EHBP1: variants seen among roughly 807,000 people sequenced by gnomAD.
EHBP1 encodes the protein EH domain binding protein 1.
In EHBP1, 55 loss-of-function variants were observed where a neutral mutation model predicts 144.0. The observed-to-expected ratio is 0.38, with a 90% CI of 0.31 to 0.48. The LOEUF (loss-of-function observed/expected upper bound fraction) is 0.48, where lower values mean the gene tolerates loss of function less well. EHBP1 is among the 20% of genes least tolerant of loss of function. The probability of loss-of-function intolerance (pLI) is 0.98; values close to 1 mark genes in which losing one functional copy is unlikely to be tolerated. For synonymous variants in EHBP1, 469 were observed against 472.7 expected (o/e 0.99, Z 0.10); for missense variants, 1,200 against 1,364.2 (o/e 0.88, Z 1.90).
At chr2:62,921,178 G>A (rs1218745147) in intron 10 of EHBP1, among the ~76,000 whole-genome samples, 1 of 152,284 alleles carries the variant, frequency 6.6e-6, no homozygotes, top group African/African-American at 2.4e-5. Flanking sequence ...GGGCATGGTG[G>A]CTCATGCCTG....
intron 3 of EHBP1, among the ~76,000 whole-genome samples, chr2:62,749,540 A>G (rs1439440837): frequency 1.3e-5 from 2 of 152,228 alleles, no homozygotes; most frequent in African/African-American, 4.8e-5. Flanking sequence ...TTCTAGTTCT[A>G]GATCCTTGAG....
At chr2:62,987,300 G>A (rs1038328189) in intron 15 of EHBP1, among the ~76,000 whole-genome samples, 8 of 152,098 alleles carry the variant, frequency 5.3e-5, no homozygotes, top group African/African-American at 1.4e-4. Flanking sequence ...TCTCATTCCC[G>A]TATATTTAAT....
At chr2:62,769,721 A>C (rs920738512) in intron 4 of EHBP1, among the ~76,000 whole-genome samples, 3 of 151,886 alleles carry the variant, frequency 2.0e-5, no homozygotes, top group Non-Finnish European at 4.4e-5. Context: ...CAAAAGAACA[A>C]AGCTGGAAGC....
Position 62,676,685 on chromosome 2 carries a change from G to T in EHBP1, c.-296+2602G>T, listed in dbSNP as rs540178504. 3.3e-5 allele frequency among the ~76,000 whole-genome samples: 5 copies of T among 152,302 alleles called. No homozygotes were observed. The South Asian group carries it at 1.0e-3, about 32-fold the overall frequency. The stretch of plus-strand genomic sequence containing the variant: ...AAAAGACCAAGCCATTGTTTTGCTG[G>T]AAAAGCAGGCAGAAACCATATTCCT... On this transcript the variant is annotated intron_variant, in intron 1 of 22. Transcript: ENST00000405015.
intron 2 of EHBP1, among the ~76,000 whole-genome samples, chr2:62,719,343 T>C (rs2035986003): frequency 6.6e-6 from 1 of 152,204 alleles, no homozygotes; most frequent in African/African-American, 2.4e-5. Context: ...ACAACATCAC[T>C]AGTAGATCTG....
intron 5 of EHBP1, among the ~76,000 whole-genome samples, chr2:62,778,132 A>G (rs551354169): frequency 6.6e-6 from 1 of 152,320 alleles, no homozygotes; most frequent in African/African-American, 2.4e-5. Flanking sequence ...CCCATGAGAT[A>G]GGAAGTTCGG....
intron 3 of EHBP1, among the ~76,000 whole-genome samples, chr2:62,748,462 T>C (rs986758203): frequency 2.0e-5 from 3 of 152,170 alleles, no homozygotes; most frequent in African/African-American, 7.2e-5. Flanking sequence ...AAGACCAGCC[T>C]GGGAAACATA....
At chr2:62,800,355 C>G (rs558725200) in intron 5 of EHBP1, among the ~76,000 whole-genome samples, 9 of 152,196 alleles carry the variant, frequency 5.9e-5, no homozygotes, top group Non-Finnish European at 8.8e-5. Flanking sequence ...GTCACCAAAT[C>G]TAGTGACTCT....
At chr2:62,827,671 CTT>C (rs754873194) in intron 6 of EHBP1, among the ~76,000 whole-genome samples, 3 of 145,842 alleles carry the variant, frequency 2.1e-5, no homozygotes, top group Non-Finnish European at 1.5e-5. Flanking sequence ...AGCAAGTTAA[CTT>C]TTTTTTTTTT....
intron 2 of EHBP1, among the ~76,000 whole-genome samples, chr2:62,715,349 C>T (rs1023064150): frequency 3.3e-5 from 5 of 151,964 alleles, no homozygotes; most frequent in African/African-American, 7.3e-5. Flanking sequence ...CTCCTGACCT[C>T]GTGATCCGCC....
intron 10 of EHBP1, among the ~76,000 whole-genome samples, chr2:62,906,026 A>G (rs2053785944): frequency 6.6e-6 from 1 of 152,092 alleles, no homozygotes; most frequent in South Asian, 2.1e-4. Flanking sequence ...AACTTTCACT[A>G]AGGATTTTAA....
At chr2:62,807,881 T>C (rs1463951626) in intron 5 of EHBP1, among the ~76,000 whole-genome samples, 1 of 152,108 alleles carries the variant, frequency 6.6e-6, no homozygotes, top group Non-Finnish European at 1.5e-5. Context: ...GTAATTACTA[T>C]ATTTGTTTCT....
intron 1 of EHBP1, among the ~76,000 whole-genome samples, chr2:62,683,818 G>A (rs534282862): frequency 2.6e-5 from 4 of 152,138 alleles, no homozygotes; most frequent in Non-Finnish European, 4.4e-5. Context: ...GTGACACCAT[G>A]GATGGCTGTG....
At chr2:62,789,677 C>T (rs1015801658) in intron 5 of EHBP1, among the ~76,000 whole-genome samples, 1 of 152,202 alleles carries the variant, frequency 6.6e-6, no homozygotes, top group Non-Finnish European at 1.5e-5. Context: ...ATGCATACAT[C>T]TTCCAACCCA....
intron 5 of EHBP1, among the ~76,000 whole-genome samples, chr2:62,813,512 G>A (rs1212849981): frequency 6.6e-6 from 1 of 152,178 alleles, no homozygotes; most frequent in African/African-American, 2.4e-5. Flanking sequence ...CTGTGGGGGT[G>A]AGGCCACCTG....
At chr2:62,950,519 G>A (rs1353283522) in intron 13 of EHBP1, among the ~76,000 whole-genome samples, 1 of 151,794 alleles carries the variant, frequency 6.6e-6, no homozygotes, top group Admixed American at 6.6e-5. Context: ...GTTCATTGTG[G>A]CTACTTCTAA....
intron 19 of EHBP1, among the ~76,000 whole-genome samples, chr2:63,017,376 G>T (rs1016323032): frequency 2.0e-5 from 3 of 152,174 alleles, no homozygotes; most frequent in African/African-American, 7.2e-5. Context: ...TCCTTGGTAT[G>T]CTTATACTGA....
intron 10 of EHBP1, among the ~76,000 whole-genome samples, chr2:62,931,831 G>GAT (rs1186576287): frequency 3.3e-5 from 5 of 152,206 alleles, no homozygotes; most frequent in Admixed American, 2.6e-4. Flanking sequence ...AGCGAAGTAT[G>GAT]ATATATAGAC....
chr2:62,869,530 C>G (rs1440664323), intron 9 of EHBP1, among the ~76,000 whole-genome samples: 1 of 152,122 alleles, frequency 6.6e-6, no homozygotes, highest in Non-Finnish European at 1.5e-5. Flanking sequence ...CCAGAAAATA[C>G]TATACTGTGT....
Sources: gnomAD v4.1 joint callset for allele counts (sites outside exome capture counted in the v4.1 genomes callset) on GRCh38, gnomAD v4.1.1 for gene constraint, MANE v1.5 for transcripts, NCBI Gene and HGNC (gene_info 2026-07-23, HGNC 2026-07-21) for gene names.